Variants in PTPRE observed in about 807,000 individuals in gnomAD.
The protein encoded by PTPRE is receptor-type tyrosine-protein phosphatase epsilon.
Under a neutral mutation model 102.0 loss-of-function variants are expected in PTPRE, and 51 were observed. The observed-to-expected ratio is 0.50, with a 90% CI of 0.40 to 0.63. The LOEUF is 0.63. Ranked by LOEUF, PTPRE falls within the 30% of genes least tolerant of loss-of-function variation. The pLI is 0.00. For missense variants in PTPRE, 752 were observed against 915.1 expected, an observed-to-expected ratio of 0.82 and a Z score of 2.30; for synonymous variants, 345 against 348.2, an observed-to-expected ratio of 0.99 and a Z score of 0.10.
chr10:128,067,059 C>T (rs1271959502), intron 11 of PTPRE, among the ~76,000 whole-genome samples: 1 of 151,608 alleles, frequency 6.6e-6, no homozygotes, highest in Non-Finnish European at 1.5e-5. Flanking sequence ...CATGCATGCA[C>T]ATGCACACGT....
Position 128,085,186 on chromosome 10 carries a change from C to T in PTPRE, c.*2280C>T, listed in dbSNP as rs1389614337. The T allele has an allele frequency of 9.0e-6, 4 of 442,242 alleles. No homozygotes were observed. The Admixed American group carries it at 9.9e-5, about 11-fold the overall frequency. The allele number at this position is 442,242 out of a possible 1,614,324, so 27.4% of individuals were successfully genotyped here. On this transcript the variant is annotated 3_prime_UTR_variant, in exon 21 of 21. Coordinates refer to ENST00000254667, the MANE Select transcript of PTPRE (RefSeq NM_006504.6). Reference sequence around the variant, plus strand: ...ACAGCCTCATGGCCTCTACCAAGGCCCCAGATCACAGGATCTCCTGGGCCT... The same window carrying T: ...ACAGCCTCATGGCCTCTACCAAGGCTCCAGATCACAGGATCTCCTGGGCCT...
chr10:127,969,470 C>T (rs1184479026), intron 1 of PTPRE, among the ~76,000 whole-genome samples: 1 of 152,132 alleles, frequency 6.6e-6, no homozygotes, highest in Non-Finnish European at 1.5e-5. Context: ...GAGTCCCAGA[C>T]TACCCTGGCC....
rs1283620242 is a variant in PTPRE, at chr10:128,070,549, C to A, written c.1293+99C>A. 2 of 1,439,674 alleles carry A rather than the reference C, an allele frequency of 1.4e-6. No individual in the cohort carries two copies. Among genetic ancestry groups the A allele is most frequent in the African/African-American group, 2.8e-5 (2 of 70,432 alleles). The allele number at this position is 1,439,674 out of a possible 1,614,324, so 89.2% of individuals were successfully genotyped here. A position where few individuals can be genotyped will look rare whatever the true frequency, so the allele number is the denominator to read the frequency against. ...AAGGAAGCCTCTTTCAATCACTTGC[C>A]CCTTAACTGACCTCAGAAAAAGCAG... is the stretch of plus-strand genomic sequence containing the variant. On this transcript the variant is annotated intron_variant, in intron 14 of 20. Coordinates refer to ENST00000254667, the MANE Select transcript of PTPRE (RefSeq NM_006504.6). This position sits in a 1 kb window ranked among gnomAD's most constrained non-coding sequence, Gnocchi z 4.8.
At chr10:127,941,742 CTACAA>C (rs1277584744) in intron 1 of PTPRE, among the ~76,000 whole-genome samples, 18 of 152,258 alleles carry the variant, frequency 1.2e-4, no homozygotes, top group African/African-American at 4.3e-4. Context: ...CCTGCTCTTT[CTACAA>C]TACAACTCCC....
chr10:128,072,925 G>A (rs1660040909), intron 16 of PTPRE, among the ~76,000 whole-genome samples: 1 of 152,180 alleles, frequency 6.6e-6, no homozygotes, highest in African/African-American at 2.4e-5. Flanking sequence ...CAGAAGAAGG[G>A]CAAAAGGGGG....
intron 1 of PTPRE, among the ~76,000 whole-genome samples, chr10:127,966,299 T>C (rs1191756513): frequency 6.6e-6 from 1 of 152,162 alleles, no homozygotes; most frequent in Non-Finnish European, 1.5e-5. Context: ...AGGAATTGCA[T>C]GACAGTTACT....
At chr10:127,996,890 T>C (rs768282488) in intron 2 of PTPRE, among the ~76,000 whole-genome samples, 7 of 152,174 alleles carry the variant, frequency 4.6e-5, no homozygotes, top group Non-Finnish European at 1.0e-4. Flanking sequence ...TTCTTTCCTA[T>C]GTGGAAAGAG....
chr10:128,069,821 A>G lies in PTPRE; in HGVS notation c.1137A>G (p.Gln379=). 7 of 1,614,214 alleles carry G rather than the reference A, an allele frequency of 4.3e-6. No individual in the cohort carries two copies. Among genetic ancestry groups the G allele is most frequent in the Non-Finnish European group, 5.9e-6 (7 of 1,180,030 alleles). Residue 379 remains glutamine (Q), a synonymous_variant, in exon 13 of 21, where the codon CAA becomes CAG. Transcript: ENST00000254667. ...GTAATCAGCGCCCTCAGATGGTTCA[A>G]ACGGATGTGAGTCATGCCTTCCTCT... ...RIRNQRPQMV[Q]TDMQYTFIYQ... is the part of the protein sequence containing the mutation.
rs566909896 is a variant in PTPRE, at chr10:127,928,871, C to T, written c.-31+21562C>T. 3.3e-5 allele frequency among the ~76,000 whole-genome samples: 5 copies of T among 152,312 alleles called. No homozygotes were observed. The South Asian group carries it at 1.0e-3, about 32-fold the overall frequency. On this transcript the variant is annotated intron_variant, in intron 1 of 20. Coordinates refer to ENST00000254667, the MANE Select transcript of PTPRE (RefSeq NM_006504.6). ...AACAAAACACTGACAACATGTCAGACACGAAGGCCATGGTCAGTTGCCTTT... is the reference window on the plus strand; with the variant it reads ...AACAAAACACTGACAACATGTCAGATACGAAGGCCATGGTCAGTTGCCTTT...
At chr10:127,963,176 G>C (rs994265985) in intron 1 of PTPRE, among the ~76,000 whole-genome samples, 1 of 152,124 alleles carries the variant, frequency 6.6e-6, no homozygotes, top group Admixed American at 6.5e-5. Context: ...CCACCCAAGA[G>C]AGGGCTGGGG....
chr10:127,919,504 G>A (rs1056071818), intron 1 of PTPRE, among the ~76,000 whole-genome samples: 2 of 152,188 alleles, frequency 1.3e-5, no homozygotes, highest in Non-Finnish European at 2.9e-5. Flanking sequence ...TGCCTCTAGT[G>A]GACTGACCCC....
chr10:127,998,735 G>GT (rs1301313924), intron 2 of PTPRE: 1 of 152,220 alleles, frequency 6.6e-6, no homozygotes, highest in African/African-American at 2.4e-5. Flanking sequence ...GTGCACCTTT[G>GT]TAAGACCTGC....
Position 128,083,054 on chromosome 10 carries a change from GTTAAATC to G in PTPRE, c.*155_*161del, listed in dbSNP as rs1211208574. Reference sequence around the variant, plus strand: ...CTTAAAGGCCACCTGCTATACAGTTGTTAAATCTTAAATATGCTTTTTAAAAATTGGA... The same window carrying G: ...CTTAAAGGCCACCTGCTATACAGTTGTTAAATATGCTTTTTAAAAATTGGA... On this transcript the variant is annotated 3_prime_UTR_variant, in exon 21 of 21. Transcript: ENST00000254667. 2 of 647,198 alleles carry G rather than the reference GTTAAATC, an allele frequency of 3.1e-6. No homozygotes were observed. Among genetic ancestry groups the G allele is most frequent in the East Asian group, 3.6e-5 (1 of 27,700 alleles). 40.1% of individuals were successfully genotyped at this position (647,198 alleles called of 1,614,324 possible).
intron 1 of PTPRE, among the ~76,000 whole-genome samples, chr10:127,908,338 C>A (rs944381693): frequency 6.6e-6 from 1 of 152,032 alleles, no homozygotes; most frequent in Admixed American, 6.6e-5. Flanking sequence ...CCCCAGGTAC[C>A]CCTTGACCCA....
At chr10:128,025,922 G>A (rs932267862) in intron 2 of PTPRE, among the ~76,000 whole-genome samples, 1 of 152,182 alleles carries the variant, frequency 6.6e-6, no homozygotes, top group African/African-American at 2.4e-5. Flanking sequence ...TATGGGGAGG[G>A]AGACAAATAT....
At chr10:128,011,052 A>G (rs1000242435) in intron 2 of PTPRE, among the ~76,000 whole-genome samples, 4 of 152,216 alleles carry the variant, frequency 2.6e-5, no homozygotes, top group African/African-American at 9.6e-5. Context: ...CAGAATAATT[A>G]ATTTTAATAT....
chr10:128,022,536 T>C (rs1845981408), intron 2 of PTPRE, among the ~76,000 whole-genome samples: 1 of 152,230 alleles, frequency 6.6e-6, no homozygotes, highest in East Asian at 1.9e-4. Context: ...CACACCTCCC[T>C]GTGCTCCTCC....
chr10:128,042,379 A>G (rs11016034), intron 3 of PTPRE, among the ~76,000 whole-genome samples: 15,475 of 152,246 alleles, frequency 0.1, 850 homozygotes, highest in South Asian at 0.15. Context: ...GTTTATTTGA[A>G]AACAAAATTA....
chr10:128,020,797 C>T (rs1037127016), intron 2 of PTPRE, among the ~76,000 whole-genome samples: 3 of 151,996 alleles, frequency 2.0e-5, no homozygotes, highest in African/African-American at 4.8e-5. Flanking sequence ...GGGTTTCCAG[C>T]GTGGGGCCCC....
Sources: gnomAD v4.1 joint callset for allele counts (sites outside exome capture counted in the v4.1 genomes callset) on GRCh38, gnomAD v4.1.1 for gene constraint, Gnocchi (gnomAD v3.1) non-coding constraint, MANE v1.5 for transcripts, NCBI Gene and HGNC (gene_info 2026-07-23, HGNC 2026-07-21) for gene names.